Variants in LRP1B observed in about 807,000 individuals in gnomAD.
LRP1B encodes LDL receptor related protein 1B, also known as low-density lipoprotein receptor-related protein 1B.
LRP1B carries 217 observed loss-of-function variants against 556.6 expected under a neutral mutation model. That is an observed-to-expected ratio of 0.39 (90% CI 0.35 to 0.44). The LOEUF is 0.44. Among genes scored for constraint, LRP1B ranks in the 20% least tolerant of loss-of-function variants. The pLI, the probability that LRP1B is intolerant of heterozygous loss-of-function variation, is 1.00. For missense variants in LRP1B, 5,053 were observed against 5,620.8 expected (o/e 0.90, Z 3.23); for synonymous variants, 2,047 against 1,865.8 (o/e 1.10, Z -2.50).
intron 5 of LRP1B, among the ~76,000 whole-genome samples, chr2:141,234,643 C>T (rs1304545809): frequency 1.3e-5 from 2 of 152,094 alleles, no homozygotes; most frequent in Non-Finnish European, 2.9e-5. Context: ...TCCTCAAGTG[C>T]TGGGATTACA....
At chr2:142,008,318 G>A (rs75028858) in intron 1 of LRP1B, among the ~76,000 whole-genome samples, 194 of 152,286 alleles carry the variant, frequency 1.3e-3, no homozygotes, top group African/African-American at 4.4e-3. Context: ...AGAATAGTTT[G>A]AAAGAAAGGC....
chr2:141,152,040 CTGAA>C (rs1701938887), intron 7 of LRP1B, among the ~76,000 whole-genome samples: 1 of 151,968 alleles, frequency 6.6e-6, no homozygotes, highest in African/African-American at 2.4e-5. Flanking sequence ...GTTGATCTGT[CTGAA>C]TGTATAACAC....
intron 14 of LRP1B, among the ~76,000 whole-genome samples, chr2:141,011,826 A>AGTTCTG (rs1448435825): frequency 0.01 from 1,575 of 152,180 alleles, 29 homozygotes; most frequent in African/African-American, 0.035. Context: ...CAGAACACCA[A>AGTTCTG]AAATATTCTC....
intron 1 of LRP1B, among the ~76,000 whole-genome samples, chr2:141,991,366 C>T (rs905127020): frequency 2.0e-5 from 3 of 151,954 alleles, no homozygotes; most frequent in Admixed American, 6.6e-5. Flanking sequence ...ATAGAAAATT[C>T]CACGTTTTGT....
chr2:140,914,012 A>G (rs1004822159), intron 21 of LRP1B, among the ~76,000 whole-genome samples: 2 of 152,158 alleles, frequency 1.3e-5, no homozygotes, highest in African/African-American at 2.4e-5. Context: ...GGGGCCCCTA[A>G]TTCAAGAAGC....
chr2:141,168,276 G>C (rs4954893), intron 7 of LRP1B, among the ~76,000 whole-genome samples: 1 of 151,696 alleles, frequency 6.6e-6, no homozygotes, highest in East Asian at 1.9e-4. Context: ...CTGACAGCCT[G>C]TATCTATTGT....
chr2:141,015,965 C>G (rs2105390067), intron 12 of LRP1B, 50 bp from the exon 13 acceptor site: 1 of 1,366,472 alleles, frequency 7.3e-7, no homozygotes. Flanking sequence ...TTACAACCAG[C>G]CACAGTATAG....
intron 3 of LRP1B, among the ~76,000 whole-genome samples, chr2:141,268,203 T>C (rs556573639): frequency 6.8e-4 from 104 of 152,286 alleles, no homozygotes; most frequent in African/African-American, 2.3e-3. Flanking sequence ...GAACATATTC[T>C]TCACTTATGC....
rs541671506 is a variant in LRP1B at position 141,032,797 on chromosome 2, G to T, written c.1790-12695C>A. Among the ~76,000 whole-genome samples the T allele has an allele frequency of 5.0e-3, 462 of 92,586 alleles. 8 individuals carry two copies. The highest frequency in any genetic ancestry group is 0.018 in the African/African-American group (449 of 24,702). The allele number at this position is 92,586 out of a possible 152,430, so 60.7% of individuals were successfully genotyped here. On this transcript the variant is annotated intron_variant, in intron 11 of 90. Coordinates refer to ENST00000389484, the MANE Select transcript of LRP1B (RefSeq NM_018557.3). ...TGTGTTTTCTAAAATTTTAACGCAG[G>T]TATATGTGTGTGTGTATATATATAC...
chr2:142,120,041 A>G (rs1707401369), intron 1 of LRP1B, among the ~76,000 whole-genome samples: 1 of 147,892 alleles, frequency 6.8e-6, no homozygotes, highest in Non-Finnish European at 1.5e-5. Flanking sequence ...TAATAACCGT[A>G]TATCATAAAC....
rs148712904 is a variant in LRP1B at position 142,102,221 on chromosome 2, G to A, written c.82+28427C>T. On this transcript the variant is annotated intron_variant, in intron 1 of 90. Transcript: ENST00000389484. ...CAGCGTCTCAAAACATTAGCCTTATGCATGTTACAGCCACATGCATTGTGA... is the reference window on the plus strand; with the variant it reads ...CAGCGTCTCAAAACATTAGCCTTATACATGTTACAGCCACATGCATTGTGA... 1.4e-3 allele frequency among the ~76,000 whole-genome samples: 213 copies of A among 152,010 alleles called. 2 individuals are homozygous for A. Among genetic ancestry groups the A allele is most frequent in the African/African-American group, 4.9e-3 (205 of 41,524 alleles).
intron 83 of LRP1B, among the ~76,000 whole-genome samples, chr2:140,300,128 G>T (rs934870633): frequency 5.3e-5 from 8 of 152,084 alleles, no homozygotes; most frequent in African/African-American, 1.9e-4. Context: ...GAGTGACTAG[G>T]TTGTCCACAG....
chr2:141,996,016 G>T (rs1702479082), intron 1 of LRP1B, among the ~76,000 whole-genome samples: 1 of 152,056 alleles, frequency 6.6e-6, no homozygotes, highest in African/African-American at 2.4e-5. Flanking sequence ...CACTTTTGAA[G>T]GCCAAGGCGG....
At chr2:140,274,338 C>A in intron 85 of LRP1B, 86 bp downstream of exon 85, 1 of 1,202,436 alleles carries the variant, frequency 8.3e-7, no homozygotes, top group Non-Finnish European at 1.2e-6. Context: ...TAAAAACAAT[C>A]TACAAAGTTT....
chr2:140,285,324 CAT>C (rs1573734406), intron 84 of LRP1B, among the ~76,000 whole-genome samples: 2 of 81,024 alleles, frequency 2.5e-5, no homozygotes, highest in Admixed American at 1.3e-4. Context: ...CATACACACA[CAT>C]ATACACATAC....
chr2:142,003,662 G>C (rs1702722765), intron 1 of LRP1B, among the ~76,000 whole-genome samples: 1 of 152,130 alleles, frequency 6.6e-6, no homozygotes, highest in Non-Finnish European at 1.5e-5. Context: ...ATGCAGGCAG[G>C]GTGGAATGGA....
chr2:141,319,024 C>T (rs1687130386), intron 3 of LRP1B, among the ~76,000 whole-genome samples: 1 of 152,020 alleles, frequency 6.6e-6, no homozygotes, highest in African/African-American at 2.4e-5. Context: ...CTTGTTACCA[C>T]AACAAGTCTT....
At chr2:140,604,781 C>T (rs76110620) in intron 41 of LRP1B, among the ~76,000 whole-genome samples, 7,831 of 152,116 alleles carry the variant, frequency 0.051, 336 homozygotes, top group East Asian at 0.23. Context: ...GGGACCCAGT[C>T]GGGGGTAATT....
At chr2:141,217,424 G>C (rs1366061526) in intron 6 of LRP1B, among the ~76,000 whole-genome samples, 1 of 152,146 alleles carries the variant, frequency 6.6e-6, no homozygotes, top group South Asian at 2.1e-4. Context: ...CCAAAATACT[G>C]TGTAATTATT....
Sources: allele counts gnomAD v4.1 joint callset (sites outside exome capture counted in the v4.1 genomes callset), GRCh38; gene constraint gnomAD v4.1.1; transcripts MANE v1.5; gene names NCBI Gene and HGNC (gene_info 2026-07-23, HGNC 2026-07-21).